The following PPP1R16B variants were observed in gnomAD, a reference collection of about 807,000 sequenced individuals.
The protein encoded by PPP1R16B is protein phosphatase 1 regulatory subunit 16B.
In PPP1R16B, 14 loss-of-function variants were observed where a neutral mutation model predicts 61.7. That is an observed-to-expected ratio of 0.23 (90% CI 0.15 to 0.35). The LOEUF (loss-of-function observed/expected upper bound fraction) is 0.35, where lower values mean the gene tolerates loss of function less well. PPP1R16B is among the 10% of genes least tolerant of loss of function. The probability of loss-of-function intolerance (pLI) is 1.00; values close to 1 mark genes in which losing one functional copy is unlikely to be tolerated. For synonymous variants in PPP1R16B, 266 were observed against 305.3 expected (o/e 0.87, Z 1.34); for missense variants, 547 against 752.5 (o/e 0.73, Z 3.19).
chr20:38,867,681 T>C (rs972494258), intron 2 of PPP1R16B, among the ~76,000 whole-genome samples: 2 of 151,954 alleles, frequency 1.3e-5, no homozygotes, highest in African/African-American at 4.8e-5. Flanking sequence ...TGATTCTTTT[T>C]TTTCCCCCCG....
At chr20:38,900,754 C>A in intron 5 of PPP1R16B, 70 bp downstream of exon 5, 1 of 1,216,748 alleles carries the variant, frequency 8.2e-7, no homozygotes, top group Admixed American at 2.9e-5. Context: ...TAAATCAATG[C>A]AGGCGAACAG....
chr20:38,826,767 G>A (rs959901511), intron 1 of PPP1R16B, among the ~76,000 whole-genome samples: 4 of 152,180 alleles, frequency 2.6e-5, no homozygotes, highest in African/African-American at 9.7e-5. Context: ...CCTTCATGGG[G>A]CCATTCCCGT....
chr20:38,880,997 G>A (rs2085199794), intron 2 of PPP1R16B, among the ~76,000 whole-genome samples: 1 of 152,184 alleles, frequency 6.6e-6, no homozygotes, highest in African/African-American at 2.4e-5. Context: ...TTCTTGAATG[G>A]GCCAAGAGTG....
chr20:38,862,869 T>C (rs2085063053), intron 2 of PPP1R16B, among the ~76,000 whole-genome samples: 1 of 152,234 alleles, frequency 6.6e-6, no homozygotes, highest in African/African-American at 2.4e-5. Flanking sequence ...CCCTGCTTCC[T>C]GGCTCACCCA....
Position 38,806,451 on chromosome 20 carries a change from C to G in PPP1R16B, c.-102+659C>G, listed in dbSNP as rs1034902970. On this transcript the variant is annotated intron_variant, in intron 1 of 10. Transcript: ENST00000299824. The surrounding 1 kb of genome is among the most constrained non-coding windows in gnomAD (Gnocchi z 4.5). ...GCGCGCCCGGCCTCTCCCAGGGCCC[C>G]GTGCGCCGGCGGCTGGGTCCCCCGC... is the stretch of plus-strand genomic sequence containing the variant. Among the ~76,000 whole-genome samples the G allele has an allele frequency of 6.6e-6, 1 of 152,062 alleles. No homozygotes were observed. Among genetic ancestry groups the G allele is most frequent in the African/African-American group, 2.4e-5 (1 of 41,420 alleles).
chr20:38,909,624 A>G (rs1490749982), intron 10 of PPP1R16B, among the ~76,000 whole-genome samples: 3 of 152,220 alleles, frequency 2.0e-5, no homozygotes, highest in African/African-American at 4.8e-5. Flanking sequence ...AGATGAAAAC[A>G]TGCCTAGAGA....
At chr20:38,871,014 T>G (rs1174287957) in intron 2 of PPP1R16B, among the ~76,000 whole-genome samples, 1 of 152,136 alleles carries the variant, frequency 6.6e-6, no homozygotes, top group East Asian at 1.9e-4. Context: ...TAAACAGGGC[T>G]CGGATGCCTG....
At chr20:38,870,213 C>A (rs1290523694) in intron 2 of PPP1R16B, among the ~76,000 whole-genome samples, 1 of 152,146 alleles carries the variant, frequency 6.6e-6, no homozygotes, top group Non-Finnish European at 1.5e-5. Context: ...GCTGGGATTA[C>A]AGGTGTGAGC....
At chr20:38,862,278 T>G (rs1202909667) in intron 2 of PPP1R16B, among the ~76,000 whole-genome samples, 4 of 152,110 alleles carry the variant, frequency 2.6e-5, no homozygotes, top group Admixed American at 1.3e-4. Flanking sequence ...GTTAGCATAG[T>G]GAATGTTGAA....
intron 1 of PPP1R16B, among the ~76,000 whole-genome samples, chr20:38,808,278 C>T (rs2084675120): frequency 6.6e-6 from 1 of 152,186 alleles, no homozygotes; most frequent in African/African-American, 2.4e-5. Context: ...GAGGCTGCAG[C>T]CAACCTGGTT....
intron 1 of PPP1R16B, among the ~76,000 whole-genome samples, chr20:38,834,446 T>A (rs1336112460): frequency 6.6e-6 from 1 of 152,194 alleles, no homozygotes; most frequent in Non-Finnish European, 1.5e-5. Context: ...GTTCATAGAG[T>A]CCGTGCTGAA....
intron 6 of PPP1R16B, among the ~76,000 whole-genome samples, chr20:38,903,063 C>T (rs932450241): frequency 2.6e-5 from 4 of 152,180 alleles, no homozygotes; most frequent in African/African-American, 9.7e-5. Context: ...TCACTTGAGC[C>T]TGGGAGTTTG....
rs2085328091 is a variant in PPP1R16B at position 38,895,620 on chromosome 20, A to G, written c.377A>G (p.Asn126Ser). 4 of 1,613,832 alleles carry G rather than the reference A, an allele frequency of 2.5e-6. No homozygotes were observed. The highest frequency in any genetic ancestry group is 3.4e-6 in the Non-Finnish European group (4 of 1,179,742). Residue 126 changes from asparagine (N) to serine (S), a missense_variant, in exon 4 of 11, where the codon AAT (asparagine) becomes AGT (serine). Asn to Ser is a conservative substitution (Grantham distance 46). Transcript: ENST00000299824. ...AAGCTGCTCCTCTCCCATGGTGCCA[A>G]TGTGAACGCCAAGGACAACGAGCTG... ...IVKLLLSHGA[N>S]VNAKDNELWT...
intron 2 of PPP1R16B, among the ~76,000 whole-genome samples, chr20:38,882,557 T>C (rs2085210538): frequency 6.6e-6 from 1 of 152,226 alleles, no homozygotes. Context: ...CACTCGATTT[T>C]GTACAAAAGT....
chr20:38,861,592 C>A (rs563312226), intron 2 of PPP1R16B, among the ~76,000 whole-genome samples: 5 of 152,134 alleles, frequency 3.3e-5, no homozygotes, highest in Admixed American at 1.3e-4. Flanking sequence ...CTTCTTCCCC[C>A]CCACCCTTCA....
rs142183713 is a variant in PPP1R16B, at chr20:38,824,367, C to T, written c.-101-11458C>T. 2.2e-3 allele frequency among the ~76,000 whole-genome samples: 329 copies of T among 152,316 alleles called. 2 individuals are homozygous for T. Among genetic ancestry groups the T allele is most frequent in the Middle Eastern group, 3.4e-3 (1 of 294 alleles). ...CTCTCTGGTTTTTTGGCCAAAATGTCCCCATCTCCCTGGTCACGAATACTG... is the reference window on the plus strand; with the variant it reads ...CTCTCTGGTTTTTTGGCCAAAATGTTCCCATCTCCCTGGTCACGAATACTG... On this transcript the variant is annotated intron_variant, in intron 1 of 10. Coordinates refer to ENST00000299824, the MANE Select transcript of PPP1R16B (RefSeq NM_015568.4).
At chr20:38,910,636 C>T (rs752884990) in intron 10 of PPP1R16B, among the ~76,000 whole-genome samples, 3 of 150,956 alleles carry the variant, frequency 2.0e-5, no homozygotes, top group African/African-American at 4.9e-5. Context: ...TGGGATCAAG[C>T]GATCCTCCCA....
At chr20:38,880,165 GA>G (rs1345200523) in intron 2 of PPP1R16B, among the ~76,000 whole-genome samples, 1 of 152,110 alleles carries the variant, frequency 6.6e-6, no homozygotes, top group Non-Finnish European at 1.5e-5. Context: ...TATCCCTCCA[GA>G]ACTTTAGTGT....
intron 1 of PPP1R16B, among the ~76,000 whole-genome samples, chr20:38,812,520 G>A (rs565471991): frequency 4.6e-5 from 7 of 152,304 alleles, no homozygotes; most frequent in South Asian, 2.1e-4. Context: ...TCTTTGGACC[G>A]TTTGATGTCC....
Sources: gnomAD v4.1 joint callset for allele counts (sites outside exome capture counted in the v4.1 genomes callset) on GRCh38, gnomAD v4.1.1 for gene constraint, Gnocchi (gnomAD v3.1) non-coding constraint, MANE v1.5 for transcripts, NCBI Gene and HGNC (gene_info 2026-07-23, HGNC 2026-07-21) for gene names.